Variants in TCF7L2 observed in about 807,000 individuals in gnomAD.
TCF7L2 encodes transcription factor 7-like 2.
A neutral mutation model predicts 77.9 loss-of-function variants in TCF7L2; 23 were observed. The ratio of observed to expected loss-of-function variants is 0.30; its 90% confidence interval spans 0.21 to 0.42. The LOEUF (loss-of-function observed/expected upper bound fraction) is 0.42. Among genes scored for constraint, TCF7L2 ranks in the 10% least tolerant of loss-of-function variants. TCF7L2 has a pLI of 1.00. For synonymous variants in TCF7L2, 413 were observed against 340.2 expected (o/e 1.21, Z -2.36); for missense variants, 654 against 793.1 (o/e 0.82, Z 2.11).
chr10:113,117,418 TCTCTCTCTCTC>T (rs2063937279), intron 5 of TCF7L2, among the ~76,000 whole-genome samples: 1 of 41,774 alleles, frequency 2.4e-5, no homozygotes, highest in Non-Finnish European at 5.1e-5. Context: ...TCTCTCTCTC[TCTCTCTCTCTC>T]TCTCCCTCTC....
chr10:113,126,133 T>A (rs2065562208), intron 5 of TCF7L2: 1 of 151,726 alleles, frequency 6.6e-6, no homozygotes. Context: ...AAGTTAGTCA[T>A]GAAAAATGTT....
intron 4 of TCF7L2, among the ~76,000 whole-genome samples, chr10:113,036,702 A>G (rs2051337295): frequency 7.8e-6 from 1 of 128,950 alleles, no homozygotes; most frequent in Admixed American, 8.0e-5. Flanking sequence ...TTTTTTAATG[A>G]AAGTTGAGCA....
intron 4 of TCF7L2, among the ~76,000 whole-genome samples, chr10:113,030,930 T>C (rs2050101231): frequency 6.6e-6 from 1 of 152,192 alleles, no homozygotes; most frequent in Non-Finnish European, 1.5e-5. Flanking sequence ...GGAACAAGAC[T>C]GTCTCAGAGG....
rs181235504 is a variant in TCF7L2, at chr10:113,098,272, C to A, written c.553-42912C>A. ...GCAAAATCTACAAGATCCAGGTCTC[C>A]GTTGGGGCTTTCCGCACTGGGATCT... On this transcript the variant is annotated intron_variant, in intron 5 of 13. Transcript: ENST00000627217. Among the ~76,000 whole-genome samples the A allele has an allele frequency of 2.1e-3, 320 of 152,106 alleles. 1 individual carries two copies. The highest frequency in any genetic ancestry group is 7.4e-3 in the African/African-American group (306 of 41,508).
intron 2 of TCF7L2, 40 bp downstream of exon 2, chr10:112,951,313 C>A (rs1471876181): frequency 1.9e-6 from 2 of 1,040,150 alleles, no homozygotes; most frequent in African/African-American, 1.8e-5. Flanking sequence ...CCCGGAGCCG[C>A]CCCCCGGGCC....
intron 5 of TCF7L2, chr10:113,129,989 T>TGA (rs2066305698): frequency 7.8e-7 from 1 of 1,279,370 alleles, no homozygotes. Flanking sequence ...AATTGCTGGG[T>TGA]GAGTAGTGGG....
chr10:113,101,415 T>C (rs1322877310), intron 5 of TCF7L2, among the ~76,000 whole-genome samples: 1 of 151,996 alleles, frequency 6.6e-6, no homozygotes, highest in Non-Finnish European at 1.5e-5. Flanking sequence ...TGGTGGTGCA[T>C]ACCTGTAGTC....
At chr10:113,039,341 C>T (rs1253529667) in intron 4 of TCF7L2, among the ~76,000 whole-genome samples, 1 of 152,150 alleles carries the variant, frequency 6.6e-6, no homozygotes, top group Admixed American at 6.5e-5. Flanking sequence ...TGATGTACAC[C>T]TTTATTTTTA....
rs533182529 is a variant in TCF7L2 at position 113,057,391 on chromosome 10, G to A, written c.552+17265G>A. On this transcript the variant is annotated intron_variant, in intron 5 of 13. Transcript: ENST00000627217. ...TCATCATGTTGGCCAGGCTGGTCTC[G>A]AACTCCTGACCTCAGGTGATCTGCC... Among the ~76,000 whole-genome samples the A allele has an allele frequency of 5.3e-5, 8 of 152,258 alleles. No individual in the cohort carries two copies. The East Asian group carries it at 1.4e-3, about 26-fold the overall frequency.
intron 4 of TCF7L2, among the ~76,000 whole-genome samples, chr10:113,016,581 G>A (rs1434413383): frequency 3.3e-5 from 5 of 151,962 alleles, no homozygotes; most frequent in East Asian, 1.9e-4. Context: ...CTGAAGCTCC[G>A]GCAGAGCCTG....
intron 4 of TCF7L2, among the ~76,000 whole-genome samples, chr10:112,966,007 C>G (rs1250652891): frequency 6.6e-6 from 1 of 151,236 alleles, no homozygotes; most frequent in Non-Finnish European, 1.5e-5. Flanking sequence ...AACCCCATCT[C>G]TACTAAAAAA....
rs567973181 is a variant in TCF7L2 at position 112,980,787 on chromosome 10, C to T, written c.450+16163C>T. ...GACTACAGGCATCCACCACCACGCC[C>T]GGCTAATTTTTTGTATTTTTAGTAG... On this transcript the variant is annotated intron_variant, in intron 4 of 13. Transcript: ENST00000627217. Among the ~76,000 whole-genome samples, 46 of 152,216 alleles carry T rather than the reference C, an allele frequency of 3.0e-4. No individual in the cohort carries two copies. The East Asian group carries it at 8.5e-3, about 28-fold the overall frequency.
At chr10:112,960,140 G>A (rs1181617677) in intron 3 of TCF7L2, among the ~76,000 whole-genome samples, 2 of 152,130 alleles carry the variant, frequency 1.3e-5, no homozygotes, top group South Asian at 2.1e-4. Context: ...AACCAACAGA[G>A]GATTTCAATT....
chr10:113,014,924 A>G (rs1407726028), intron 4 of TCF7L2, among the ~76,000 whole-genome samples: 2 of 152,228 alleles, frequency 1.3e-5, no homozygotes, highest in African/African-American at 4.8e-5. Flanking sequence ...GTAGTGGCTC[A>G]TGCCTATAAT....
At chr10:112,970,780 G>A (rs1179859931) in intron 4 of TCF7L2, among the ~76,000 whole-genome samples, 2 of 152,138 alleles carry the variant, frequency 1.3e-5, no homozygotes, top group African/African-American at 2.4e-5. Context: ...GTTTTCATGA[G>A]GATTTGCTCT....
At chr10:113,016,984 T>G (rs1280106241) in intron 4 of TCF7L2, among the ~76,000 whole-genome samples, 1 of 152,118 alleles carries the variant, frequency 6.6e-6, no homozygotes, top group Non-Finnish European at 1.5e-5. Flanking sequence ...TTCTTGAGGC[T>G]CATGTCCAGT....
In TCF7L2 at chr10:113,166,058, T is replaced by C; in HGVS notation, c.*86T>C. 7.6e-7 allele frequency: 1 copy of C among 1,310,278 alleles called. No individual in the cohort carries two copies. Among genetic ancestry groups the C allele is most frequent in the Non-Finnish European group, 1.0e-6 (1 of 993,308 alleles). 81.2% of individuals were successfully genotyped at this position (1,310,278 alleles called of 1,614,324 possible). A position where few individuals can be genotyped will look rare whatever the true frequency, so the allele number is the denominator to read the frequency against. On this transcript the variant is annotated 3_prime_UTR_variant, in exon 14 of 14. Transcript: ENST00000627217. ...CCCCCACCCCCACCTTGAAAGGTTT[T>C]GTTTTGTACTCTCTTAATTTTGTGC...
chr10:113,052,476 C>T (rs2054642819), intron 5 of TCF7L2, among the ~76,000 whole-genome samples: 1 of 152,144 alleles, frequency 6.6e-6, no homozygotes, highest in Non-Finnish European at 1.5e-5. Context: ...ATTTAGATGT[C>T]CTGGTGAACA....
chr10:113,002,187 A>C (rs2133367662), intron 4 of TCF7L2, among the ~76,000 whole-genome samples: 1 of 152,338 alleles, frequency 6.6e-6, no homozygotes, highest in South Asian at 2.1e-4. Flanking sequence ...CAAAGTGGCA[A>C]ACCCTGATCC....
Sources: gnomAD v4.1 joint callset for allele counts (sites outside exome capture counted in the v4.1 genomes callset) on GRCh38, gnomAD v4.1.1 for gene constraint, MANE v1.5 for transcripts, NCBI Gene and HGNC (gene_info 2026-07-23, HGNC 2026-07-21) for gene names.